Variants in TM9SF4 observed in about 807,000 individuals in gnomAD.
TM9SF4 encodes dinucleotide oxidase disulfide thiol exchanger 3 superfamily member 4.
In TM9SF4, 26 loss-of-function variants were observed where a neutral mutation model predicts 90.4. The observed-to-expected ratio is 0.29, with a 90% CI of 0.21 to 0.40. The LOEUF (loss-of-function observed/expected upper bound fraction) is 0.40. Ranked by LOEUF, TM9SF4 falls within the 10% of genes least tolerant of loss-of-function variation. TM9SF4 has a pLI of 1.00. For missense variants in TM9SF4, 549 were observed against 834.8 expected, an observed-to-expected ratio of 0.66 and a Z score of 4.22; for synonymous variants, 293 against 315.4, an observed-to-expected ratio of 0.93 and a Z score of 0.75.
chr20:32,156,918 AT>A (rs1343271593), intron 13 of TM9SF4, among the ~76,000 whole-genome samples: 1,675 of 76,338 alleles, frequency 0.022, 34 homozygotes, highest in African/African-American at 0.086. Flanking sequence ...ATTTTATTGT[AT>A]TTTTTTTTTT....
intron 1 of TM9SF4, among the ~76,000 whole-genome samples, chr20:32,131,761 A>T (rs1020666330): frequency 2.0e-5 from 3 of 152,174 alleles, no homozygotes; most frequent in African/African-American, 7.2e-5. Context: ...CAGCTTTTCT[A>T]GTTCCTTGCA....
In TM9SF4 at chr20:32,129,672, C is replaced by T. The variant is rs1051171833; in HGVS notation, c.16-3341C>T. Among the ~76,000 whole-genome samples, 7 of 151,208 alleles carry T rather than the reference C, an allele frequency of 4.6e-5. 1 individual carries two copies. The highest frequency in any genetic ancestry group is 3.3e-4 in the Admixed American group (5 of 15,202). The stretch of plus-strand genomic sequence containing the variant: ...GGAGTACAGCTCACTGCAACTTCCG[C>T]CTCCCGGGTTCAAGCAATTCTCCTG... On this transcript the variant is annotated intron_variant, in intron 1 of 17. Transcript: ENST00000398022.
intron 16 of TM9SF4, 42 bp from the exon 17 acceptor site, chr20:32,161,234 C>T: frequency 1.9e-6 from 3 of 1,575,662 alleles, no homozygotes; most frequent in Non-Finnish European, 2.6e-6. Flanking sequence ...GGAAGGGGTT[C>T]TGCCCCAGGA....
At chr20:32,159,875 A>G in intron 15 of TM9SF4, 117 bp from the exon 16 acceptor site, 6 of 1,425,844 alleles carry the variant, frequency 4.2e-6, no homozygotes, top group Non-Finnish European at 5.8e-6. Flanking sequence ...TGCCAGGCCC[A>G]CGGGCCCTGA....
rs768633798 is a variant in TM9SF4 at position 32,133,037 on chromosome 20, C to T, written c.40C>T (p.Leu14Phe). 2.5e-6 allele frequency: 4 copies of T among 1,614,042 alleles called. No homozygotes were observed. The highest frequency in any genetic ancestry group is 3.4e-6 in the Non-Finnish European group (4 of 1,180,032). The change falls in exon 2 of 18, where the codon CTT (leucine) becomes TTT (phenylalanine). Residue 14 changes from leucine (L) to phenylalanine (F), a missense_variant. Transcript: ENST00000398022. Reference protein sequence around the residue: ...AMDWLPWSLLLFSLMCETSAF... With the variant: ...AMDWLPWSLLFFSLMCETSAF... ...GGATTGGTTGCCGTGGTCTTTACTGCTTTTCTCCCTGATGTGTGAAACAAG... is the reference window on the plus strand; with the variant it reads ...GGATTGGTTGCCGTGGTCTTTACTGTTTTTCTCCCTGATGTGTGAAACAAG...
intron 12 of TM9SF4, 140 bp downstream of exon 12, chr20:32,151,015 A>G: frequency 9.9e-7 from 1 of 1,012,972 alleles, no homozygotes; most frequent in Non-Finnish European, 1.5e-6. Context: ...GGAGCAGCAC[A>G]GGTCCAAGGG....
chr20:32,125,365 T>G (rs1200623192), intron 1 of TM9SF4, among the ~76,000 whole-genome samples: 1 of 152,232 alleles, frequency 6.6e-6, no homozygotes, highest in Non-Finnish European at 1.5e-5. Context: ...TATACAAATT[T>G]ACCCAAAGTC....
intron 6 of TM9SF4, among the ~76,000 whole-genome samples, chr20:32,144,379 A>G (rs1304022443): frequency 1.3e-5 from 2 of 152,238 alleles, no homozygotes; most frequent in Admixed American, 1.3e-4. Context: ...TGAATGATTG[A>G]TCACGAAAGT....
At chr20:32,139,309 T>A (rs1171337245) in intron 3 of TM9SF4, among the ~76,000 whole-genome samples, 5 of 152,246 alleles carry the variant, frequency 3.3e-5, no homozygotes. Context: ...ATATCCAAAC[T>A]GAAAATGCCT....
rs1290578462 is a variant in TM9SF4, at chr20:32,146,842, A to G, written c.941A>G (p.Lys314Arg). The change falls in exon 9 of 18, where the codon AAG becomes AGG. Residue 314 changes from lysine (K) to arginine (R), a missense_variant. By Grantham distance (26) the Lys-to-Arg change is conservative. Coordinates refer to ENST00000398022, the MANE Select transcript of TM9SF4 (RefSeq NM_014742.4). ...CGGAAGGACATTGCCAACTACAACA[A>G]GGAGGATGACATTGTACGAGGTCTT... is the stretch of plus-strand genomic sequence containing the variant. ...TLRKDIANYNKEDDIEDTMEE... is the reference protein window; with the variant it reads ...TLRKDIANYNREDDIEDTMEE... 1 of 1,613,940 alleles carries G rather than the reference A, an allele frequency of 6.2e-7. No individual in the cohort carries two copies.
chr20:32,144,426 G>A (rs570238570), intron 6 of TM9SF4, among the ~76,000 whole-genome samples: 24 of 152,212 alleles, frequency 1.6e-4, no homozygotes, highest in Admixed American at 1.4e-3. Context: ...GAATGAGTAG[G>A]CATGATGGAA....
rs540316997 is a variant in TM9SF4 at position 32,159,727 on chromosome 20, T to G, written c.1570-265T>G. On this transcript the variant is annotated intron_variant, in intron 15 of 17. Transcript: ENST00000398022. ...GTGGTGGCTGCTCTATAATTTTGAT[T>G]TGGATAAGAATCATTATTTTCTACA... The G allele has an allele frequency of 6.3e-6, 3 of 475,842 alleles. No homozygotes were observed. In the East Asian group the frequency reaches 1.1e-4, roughly 17 times the overall value. 29.5% of individuals were successfully genotyped at this position (475,842 alleles called of 1,614,324 possible). A position where few individuals can be genotyped will look rare whatever the true frequency, so the allele number is the denominator to read the frequency against.
intron 1 of TM9SF4, among the ~76,000 whole-genome samples, chr20:32,112,071 G>A (rs1421800994): frequency 6.6e-6 from 1 of 152,190 alleles, no homozygotes; most frequent in East Asian, 1.9e-4. Context: ...TTGGCACAGA[G>A]GCTGTGGAAA....
chr20:32,164,387 C>T (rs1446511963), intron 17 of TM9SF4, among the ~76,000 whole-genome samples: 2 of 152,126 alleles, frequency 1.3e-5, no homozygotes, highest in Non-Finnish European at 1.5e-5. Context: ...TGGCACACAC[C>T]TATAGTCTGA....
chr20:32,155,863 G>A (rs1170020123), intron 13 of TM9SF4, among the ~76,000 whole-genome samples: 2 of 152,204 alleles, frequency 1.3e-5, no homozygotes, highest in Non-Finnish European at 2.9e-5. Flanking sequence ...GGCTTACAGA[G>A]GAGGGGTTTC....
intron 9 of TM9SF4, among the ~76,000 whole-genome samples, chr20:32,147,858 G>GC (rs1569091092): frequency 8.0e-6 from 1 of 124,694 alleles, no homozygotes; most frequent in African/African-American, 3.0e-5. Flanking sequence ...GTCTCCAAAG[G>GC]AAAAAAAAAA....
rs768127959 is a variant in TM9SF4, at chr20:32,141,587, C to A, written c.320C>A (p.Ser107Tyr). 5.0e-6 allele frequency: 8 copies of A among 1,614,140 alleles called. No homozygotes were observed. Among genetic ancestry groups the A allele is most frequent in the Admixed American group, 1.7e-5 (1 of 60,012 alleles). ...EKKCEVLCSQ[S>Y]NKPVTLTVEQ... ...AAGTGTGAAGTTCTGTGCAGCCAGT[C>A]CAACAAGCCAGTGACCCTGACAGTG... The change falls in exon 4 of 18, where the codon TCC becomes TAC. Residue 107 changes from serine to tyrosine, a missense_variant. Physicochemically the swap from Ser to Tyr is moderately radical, Grantham distance 144 (BLOSUM62 -2). Coordinates refer to ENST00000398022, the MANE Select transcript of TM9SF4 (RefSeq NM_014742.4).
At chr20:32,130,596 C>T (rs960319694) in intron 1 of TM9SF4, among the ~76,000 whole-genome samples, 4 of 152,198 alleles carry the variant, frequency 2.6e-5, no homozygotes, top group Non-Finnish European at 5.9e-5. Flanking sequence ...CAGAGGAAAT[C>T]AGATGCTGTA....
At chr20:32,133,453 C>G (rs1339491653) in intron 2 of TM9SF4, among the ~76,000 whole-genome samples, 1 of 152,186 alleles carries the variant, frequency 6.6e-6, no homozygotes, top group African/African-American at 2.4e-5. Context: ...CCTGCCTCTT[C>G]TTTAGCATCT....
Sources: allele counts gnomAD v4.1 joint callset (sites outside exome capture counted in the v4.1 genomes callset), GRCh38; gene constraint gnomAD v4.1.1; transcripts MANE v1.5; gene names NCBI Gene and HGNC (gene_info 2026-07-23, HGNC 2026-07-21).